The following OPCML variants were observed in gnomAD, a reference collection of about 807,000 sequenced individuals.
The protein encoded by OPCML is opioid binding protein/cell adhesion molecule like, also known as opioid-binding protein/cell adhesion molecule.
OPCML carries 13 observed loss-of-function variants against 37.8 expected under a neutral mutation model. The observed-to-expected ratio is 0.34, with a 90% confidence interval of 0.22 to 0.55. The LOEUF is 0.55. Ranked by LOEUF, OPCML falls within the 20% of genes least tolerant of loss-of-function variation. OPCML has a pLI of 0.91. For synonymous variants in OPCML, 176 were observed against 168.8 expected (o/e 1.04, Z -0.33); for missense variants, 341 against 435.6 (o/e 0.78, Z 1.93).
intron 1 of OPCML, among the ~76,000 whole-genome samples, chr11:133,031,713 A>G (rs981690460): frequency 6.6e-6 from 1 of 152,170 alleles, no homozygotes; most frequent in Non-Finnish European, 1.5e-5. Flanking sequence ...AGAGTTGCTG[A>G]GGGATACAGA....
At chr11:132,735,304 C>T (rs1166869860) in intron 2 of OPCML, among the ~76,000 whole-genome samples, 1 of 152,008 alleles carries the variant, frequency 6.6e-6, no homozygotes, top group East Asian at 1.9e-4. Context: ...TAGGTTGGCG[C>T]CTCAGAGAAC....
chr11:133,313,297 A>C (rs1053577928), intron 1 of OPCML, among the ~76,000 whole-genome samples: 9 of 152,208 alleles, frequency 5.9e-5, no homozygotes, highest in Non-Finnish European at 1.2e-4. Flanking sequence ...AATCTGCCTG[A>C]CTCCAAAGGT....
intron 1 of OPCML, among the ~76,000 whole-genome samples, chr11:133,256,263 C>A (rs972154611): frequency 1.8e-4 from 28 of 152,184 alleles, no homozygotes; most frequent in African/African-American, 6.5e-4. Flanking sequence ...TGGGCTTTGC[C>A]ACTCACCTTG....
At chr11:132,606,901 T>C (rs911866539) in intron 3 of OPCML, among the ~76,000 whole-genome samples, 1 of 152,196 alleles carries the variant, frequency 6.6e-6, no homozygotes. Context: ...CTGTTAGTAC[T>C]GTTAGAGCCA....
At chr11:132,504,674 G>T (rs1300930005) in intron 4 of OPCML, among the ~76,000 whole-genome samples, 1 of 151,934 alleles carries the variant, frequency 6.6e-6, no homozygotes, top group Non-Finnish European at 1.5e-5. Context: ...GGTGTCGTCA[G>T]GGCATGGCAT....
chr11:133,038,576 G>T (rs977318645), intron 1 of OPCML, among the ~76,000 whole-genome samples: 1 of 152,002 alleles, frequency 6.6e-6, no homozygotes, highest in Non-Finnish European at 1.5e-5. Context: ...AGAGATATTA[G>T]AGAATGCATA....
chr11:132,779,496 G>A (rs567148465), intron 2 of OPCML, among the ~76,000 whole-genome samples: 49 of 151,034 alleles, frequency 3.2e-4, no homozygotes, highest in Non-Finnish European at 6.5e-4. Context: ...GAATGTTGTG[G>A]GAAACTCTTC....
At chr11:132,798,897 T>A in intron 2 of OPCML, among the ~76,000 whole-genome samples, 1 of 152,220 alleles carries the variant, frequency 6.6e-6, no homozygotes, top group Admixed American at 6.5e-5. Context: ...TTGAAGTGAA[T>A]CTTTTTTTCT....
At chr11:132,756,891 A>T (rs1163372891) in intron 2 of OPCML, among the ~76,000 whole-genome samples, 3 of 152,142 alleles carry the variant, frequency 2.0e-5, no homozygotes, top group Non-Finnish European at 4.4e-5. Flanking sequence ...TCAACCCATC[A>T]TCTACATTGG....
Position 132,415,346 on chromosome 11 carries a change from A to G in OPCML, c.*4847T>C, listed in dbSNP as rs1262017864. ...TAAGTCATAATTTTTTTTTAAATCT[A>G]AAGGACTCTGAACTTGACAGACACA... On this transcript the variant is annotated 3_prime_UTR_variant, in exon 8 of 8. Coordinates refer to ENST00000524381, the MANE Select transcript of OPCML (RefSeq NM_001012393.5). The G allele has an allele frequency of 1.3e-5, 2 of 152,376 alleles. No individual in the cohort carries two copies. The highest frequency in any genetic ancestry group is 2.9e-5 in the Non-Finnish European group (2 of 68,028). The allele number at this position is 152,376 out of a possible 1,614,324, so 9.4% of individuals were successfully genotyped here. A position where few individuals can be genotyped will look rare whatever the true frequency, so the allele number is the denominator to read the frequency against.
In OPCML at chr11:132,469,883, G is replaced by C. The variant is rs11223086; in HGVS notation, c.506-32524C>G. On this transcript the variant is annotated intron_variant, in intron 4 of 7. Coordinates refer to ENST00000524381, the MANE Select transcript of OPCML (RefSeq NM_001012393.5). ...TGTGTGGGGGTGTGTATGTGTGGGA[G>C]GTGTGTGTGTGTAGGTATGTGTCTG... Among the ~76,000 whole-genome samples the C allele has an allele frequency of 7.7e-4, 40 of 52,128 alleles. 1 individual carries two copies. Among genetic ancestry groups the C allele is most frequent in the East Asian group, 4.8e-3 (2 of 420 alleles). 34.2% of individuals were successfully genotyped at this position (52,128 alleles called of 152,430 possible). A position where few individuals can be genotyped will look rare whatever the true frequency, so the allele number is the denominator to read the frequency against.
chr11:132,805,226 G>T (rs1938929185), intron 2 of OPCML, among the ~76,000 whole-genome samples: 1 of 152,048 alleles, frequency 6.6e-6, no homozygotes, highest in Non-Finnish European at 1.5e-5. Flanking sequence ...TAGAAATTAT[G>T]CAATTTTAAG....
At position 132,537,244 on chromosome 11, in the gene OPCML, C is replaced by T. The variant is rs150572940; in HGVS notation, c.380-8058G>A. Among the ~76,000 whole-genome samples the T allele has an allele frequency of 4.0e-3, 611 of 152,284 alleles. 4 individuals are homozygous for T. Among genetic ancestry groups the T allele is most frequent in the African/African-American group, 0.014 (575 of 41,552 alleles). The stretch of plus-strand genomic sequence containing the variant: ...AAATCAGCATAAGGATAGGCATATA[C>T]ATCAATGGAATAGAATTGAGAATCC... On this transcript the variant is annotated intron_variant, in intron 3 of 7. Transcript: ENST00000524381.
At chr11:133,335,078 C>T (rs574626473) in intron 1 of OPCML, among the ~76,000 whole-genome samples, 115 of 152,346 alleles carry the variant, frequency 7.5e-4, no homozygotes, top group Non-Finnish European at 1.5e-3. Context: ...TGTTTAGCCA[C>T]AGCCCTGAAC....
chr11:133,494,827 T>A (rs933255439), intron 1 of OPCML, among the ~76,000 whole-genome samples: 1 of 150,964 alleles, frequency 6.6e-6, no homozygotes, highest in Non-Finnish European at 1.5e-5. Flanking sequence ...CATATGTAAC[T>A]AACCTGCACA....
chr11:133,263,384 TG>T (rs969608428), intron 1 of OPCML, among the ~76,000 whole-genome samples: 5 of 152,160 alleles, frequency 3.3e-5, no homozygotes, highest in Admixed American at 6.5e-5. Context: ...CTTACCATTG[TG>T]TTACAGTTGC....
chr11:133,004,628 C>G, intron 1 of OPCML: 1 of 985,478 alleles, frequency 1.0e-6, no homozygotes, highest in South Asian at 4.7e-5. Flanking sequence ...TTGCTGCCCC[C>G]ACTGCTAACA....
At chr11:133,151,123 A>C (rs538447358) in intron 1 of OPCML, among the ~76,000 whole-genome samples, 1 of 151,712 alleles carries the variant, frequency 6.6e-6, no homozygotes, top group East Asian at 1.9e-4. Context: ...AAATACAAAA[A>C]TTAGCTGGGC....
intron 3 of OPCML, among the ~76,000 whole-genome samples, chr11:132,607,331 C>G (rs1938365477): frequency 1.3e-5 from 2 of 152,146 alleles, no homozygotes; most frequent in South Asian, 4.1e-4. Context: ...GGTGGGGTCT[C>G]TAGAGATAAT....
Sources: allele counts gnomAD v4.1 joint callset (sites outside exome capture counted in the v4.1 genomes callset), GRCh38; gene constraint gnomAD v4.1.1; transcripts MANE v1.5; gene names NCBI Gene and HGNC (gene_info 2026-07-23, HGNC 2026-07-21).